Variants in DOCK1 observed in about 807,000 individuals in gnomAD.
DOCK1 encodes dedicator of cytokinesis 1.
In DOCK1, 138 loss-of-function variants were observed where a neutral mutation model predicts 262.7. The observed-to-expected ratio is 0.53, with a 90% CI of 0.46 to 0.61. DOCK1 has a LOEUF of 0.61. DOCK1 is among the 20% of genes least tolerant of loss of function. The pLI, the probability that DOCK1 is intolerant of heterozygous loss-of-function variation, is 0.00. For synonymous variants in DOCK1, 866 were observed against 867.4 expected (o/e 1.00, Z 0.03); for missense variants, 1,908 against 2,370.7 (o/e 0.80, Z 4.05).
At chr10:127,179,366 G>A (rs1034656390) in intron 27 of DOCK1, among the ~76,000 whole-genome samples, 1 of 152,132 alleles carries the variant, frequency 6.6e-6, no homozygotes, top group Non-Finnish European at 1.5e-5. Flanking sequence ...TCATTTCGTT[G>A]TTAGTAAAAA....
rs374314712 is a variant in DOCK1, at chr10:127,451,478, C to T, written c.*51C>T. 7.8e-5 allele frequency: 121 copies of T among 1,549,812 alleles called. No individual in the cohort carries two copies. The Middle Eastern group carries it at 8.3e-4, about 11-fold the overall frequency. On this transcript the variant is annotated 3_prime_UTR_variant, in exon 52 of 52. Transcript: ENST00000623213. ...GTGCTGCCCCTCCCCATCTCCATGC[C>T]CTCTCCTTCTGTGTCCCCTGAGTCT...
At chr10:127,397,230 A>T (rs796359185) in intron 38 of DOCK1, among the ~76,000 whole-genome samples, 8 of 87,166 alleles carry the variant, frequency 9.2e-5, no homozygotes, top group Admixed American at 3.8e-4. Flanking sequence ...ACGGGCAGCG[A>T]CTCCTATGTG....
intron 23 of DOCK1, among the ~76,000 whole-genome samples, chr10:127,094,703 T>C (rs962088544): frequency 6.6e-6 from 1 of 152,232 alleles, no homozygotes; most frequent in African/African-American, 2.4e-5. Context: ...GGGCTCCATT[T>C]TGTCAGATTA....
At chr10:127,027,049 C>T (rs1370943756) in intron 16 of DOCK1, among the ~76,000 whole-genome samples, 1 of 152,242 alleles carries the variant, frequency 6.6e-6, no homozygotes, top group Non-Finnish European at 1.5e-5. Flanking sequence ...TGATTCCCGT[C>T]TTTCAGGGTG....
chr10:126,920,190 T>C (rs2033038645), intron 1 of DOCK1, among the ~76,000 whole-genome samples: 1 of 152,244 alleles, frequency 6.6e-6, no homozygotes. Context: ...ACTCTGTATG[T>C]TCTTCAGATG....
chr10:126,916,713 C>T (rs2032538392), intron 1 of DOCK1, among the ~76,000 whole-genome samples: 1 of 151,690 alleles, frequency 6.6e-6, no homozygotes, highest in African/African-American at 2.4e-5. Flanking sequence ...CTCCTTCCTT[C>T]TACCCCTCCT....
At chr10:127,289,336 T>C (rs2135350744) in intron 29 of DOCK1, among the ~76,000 whole-genome samples, 1 of 152,294 alleles carries the variant, frequency 6.6e-6, no homozygotes, top group Non-Finnish European at 1.5e-5. Context: ...GCATGCATAT[T>C]CATATTTTCT....
chr10:127,401,089 A>G (rs963179942), intron 38 of DOCK1, among the ~76,000 whole-genome samples: 1 of 151,956 alleles, frequency 6.6e-6, no homozygotes, highest in Admixed American at 6.6e-5. Context: ...TGGCCCACCT[A>G]GAAGCAACTC....
intron 29 of DOCK1, among the ~76,000 whole-genome samples, chr10:127,277,780 C>T (rs1176763643): frequency 1.3e-5 from 2 of 152,100 alleles, no homozygotes; most frequent in African/African-American, 4.8e-5. Context: ...GAACTGAAGA[C>T]AATCGATGAA....
At chr10:127,411,286 G>T (rs1436633757) in intron 43 of DOCK1, among the ~76,000 whole-genome samples, 1 of 152,064 alleles carries the variant, frequency 6.6e-6, no homozygotes, top group Non-Finnish European at 1.5e-5. Context: ...GGGTGCTGAC[G>T]TGGCTTTCTG....
chr10:126,945,252 G>A (rs1004787050), intron 1 of DOCK1, among the ~76,000 whole-genome samples: 44 of 152,138 alleles, frequency 2.9e-4, no homozygotes, highest in Admixed American at 2.6e-3. Flanking sequence ...GGTCTTACTG[G>A]AGGAGAATCA....
chr10:127,139,197 A>C (rs1458628036), intron 27 of DOCK1, among the ~76,000 whole-genome samples: 1 of 152,222 alleles, frequency 6.6e-6, no homozygotes, highest in Non-Finnish European at 1.5e-5. Context: ...TAAACCATTT[A>C]TAAACATGAA....
intron 31 of DOCK1, among the ~76,000 whole-genome samples, chr10:127,354,089 C>G (rs2064018339): frequency 6.6e-6 from 1 of 152,136 alleles, no homozygotes; most frequent in Non-Finnish European, 1.5e-5. Flanking sequence ...ATTCTGTTTA[C>G]TCATGAAACA....
chr10:127,369,848 G>T (rs2065114945), intron 33 of DOCK1, among the ~76,000 whole-genome samples: 1 of 152,214 alleles, frequency 6.6e-6, no homozygotes, highest in Non-Finnish European at 1.5e-5. Context: ...CAAGAGGAAT[G>T]CTCTATACAT....
chr10:127,061,888 T>C (rs750192918), intron 23 of DOCK1, 112 bp downstream of exon 23: 21 of 715,446 alleles, frequency 2.9e-5, no homozygotes, highest in Middle Eastern at 4.0e-4. Flanking sequence ...AATACCATAG[T>C]TGTTAATGTC....
chr10:126,947,717 G>C (rs2035626882), intron 1 of DOCK1, among the ~76,000 whole-genome samples: 11 of 148,116 alleles, frequency 7.4e-5, no homozygotes, highest in Non-Finnish European at 1.3e-4. Context: ...GGTGATGGTG[G>C]TGGTTGGTAG....
intron 27 of DOCK1, among the ~76,000 whole-genome samples, chr10:127,196,565 G>A (rs1236842876): frequency 1.4e-5 from 2 of 146,900 alleles, no homozygotes; most frequent in African/African-American, 2.5e-5. Context: ...CTGTGCGCCC[G>A]GCTGGCACCG....
rs751837320 is a variant in DOCK1, at chr10:127,031,636, T to A, written c.1625-14T>A. 2 of 1,597,464 alleles carry A rather than the reference T, an allele frequency of 1.3e-6. No individual in the cohort carries two copies. Among genetic ancestry groups the A allele is most frequent in the Non-Finnish European group, 1.7e-6 (2 of 1,174,632 alleles). The stretch of plus-strand genomic sequence containing the variant: ...TGAAAGCAATCATCAATTTTTTTGT[T>A]TTTTGTTTTACAGCTAAGGATAAAT... On this transcript the variant is annotated splice_polypyrimidine_tract_variant and intron_variant, in intron 16 of 51. Coordinates refer to ENST00000623213, the MANE Select transcript of DOCK1 (RefSeq NM_001290223.2).
At chr10:127,017,168 AC>A (rs2042030129) in intron 12 of DOCK1, among the ~76,000 whole-genome samples, 1 of 129,958 alleles carries the variant, frequency 7.7e-6, no homozygotes, top group Non-Finnish European at 1.6e-5. Context: ...AAACACACAC[AC>A]ACACACAGAT....
Sources: allele counts gnomAD v4.1 joint callset (sites outside exome capture counted in the v4.1 genomes callset), GRCh38; gene constraint gnomAD v4.1.1; transcripts MANE v1.5; gene names NCBI Gene and HGNC (gene_info 2026-07-23, HGNC 2026-07-21).